The following RBM20 variants were observed in gnomAD, a reference collection of about 807,000 sequenced individuals.
RBM20 encodes RNA-binding protein 20.
Under a neutral mutation model 110.1 loss-of-function variants are expected in RBM20, and 51 were observed. The observed-to-expected ratio is 0.46, with a 90% CI of 0.37 to 0.59. The LOEUF is 0.59. Ranked by LOEUF, RBM20 falls within the 20% of genes least tolerant of loss-of-function variation. The pLI is 0.00. For missense variants in RBM20, 1,512 were observed against 1,574.9 expected, an observed-to-expected ratio of 0.96 and a Z score of 0.68; for synonymous variants, 589 against 618.2, an observed-to-expected ratio of 0.95 and a Z score of 0.70.
Position 110,728,130 on chromosome 10 carries a change from A to T in RBM20, c.192-52671A>T, listed in dbSNP as rs561372301. Among the ~76,000 whole-genome samples the T allele has an allele frequency of 2.6e-5, 4 of 152,294 alleles. No individual in the cohort carries two copies. The East Asian group carries it at 7.7e-4, about 29-fold the overall frequency. ...TAAACATACGTGTGCATGTGTCTTT[A>T]TAGTAAAATGATTTATAATCCTTTA... is the stretch of plus-strand genomic sequence containing the variant. On this transcript the variant is annotated intron_variant, in intron 1 of 13. Transcript: ENST00000369519.
chr10:110,808,169 C>T (rs1369515368), intron 7 of RBM20, among the ~76,000 whole-genome samples: 2 of 152,270 alleles, frequency 1.3e-5, no homozygotes, highest in Non-Finnish European at 2.9e-5. Context: ...ACATCAAGTG[C>T]AGTCAGCTCC....
At chr10:110,802,364 T>C (rs1267961924) in intron 7 of RBM20, among the ~76,000 whole-genome samples, 1 of 149,894 alleles carries the variant, frequency 6.7e-6, no homozygotes, top group African/African-American at 2.5e-5. Flanking sequence ...CTAACAGTTC[T>C]CCTTCAGGCA....
At chr10:110,753,437 C>T (rs1473635459) in intron 1 of RBM20, among the ~76,000 whole-genome samples, 5 of 152,142 alleles carry the variant, frequency 3.3e-5, no homozygotes, top group Admixed American at 1.3e-4. Context: ...TGGATTTACT[C>T]ATCATGCATC....
chr10:110,729,375 T>C (rs944134455), intron 1 of RBM20, among the ~76,000 whole-genome samples: 2 of 152,242 alleles, frequency 1.3e-5, no homozygotes, highest in African/African-American at 4.8e-5. Flanking sequence ...CCTCTCCTTC[T>C]CACCTAGTAA....
intron 1 of RBM20, among the ~76,000 whole-genome samples, chr10:110,736,399 A>G (rs779064182): frequency 6.6e-5 from 10 of 152,238 alleles, no homozygotes; most frequent in Non-Finnish European, 1.3e-4. Flanking sequence ...ACTGCTGTAT[A>G]GAACTAGGTA....
At chr10:110,766,743 C>T (rs1219503225) in intron 1 of RBM20, among the ~76,000 whole-genome samples, 1 of 151,512 alleles carries the variant, frequency 6.6e-6, no homozygotes, top group Non-Finnish European at 1.5e-5. Flanking sequence ...ACAGACACGG[C>T]AACCATCCGA....
In RBM20 at chr10:110,644,665, C is replaced by A. The variant is rs1331518496; in HGVS notation, c.191+20C>A. 7 of 1,466,134 alleles carry A rather than the reference C, an allele frequency of 4.8e-6. No individual in the cohort carries two copies. The South Asian group carries it at 9.4e-5, about 20-fold the overall frequency. 90.8% of individuals were successfully genotyped at this position (1,466,134 alleles called of 1,614,324 possible). A position where few individuals can be genotyped will look rare whatever the true frequency, so the allele number is the denominator to read the frequency against. On this transcript the variant is annotated intron_variant, in intron 1 of 13. Transcript: ENST00000369519. This position sits in a 1 kb window ranked among gnomAD's most constrained non-coding sequence, Gnocchi z 4.3. ...CCAAAAGTAAGAAGGGAGAAGGGAA[C>A]AGGGACCACGGGTGCGCCTGGGGAC...
At chr10:110,803,678 G>C (rs1459060071) in intron 7 of RBM20, among the ~76,000 whole-genome samples, 1 of 152,032 alleles carries the variant, frequency 6.6e-6, no homozygotes, top group Non-Finnish European at 1.5e-5. Flanking sequence ...TGGAATAACA[G>C]ATGTGAAAAC....
At chr10:110,707,323 G>A (rs571028814) in intron 1 of RBM20, among the ~76,000 whole-genome samples, 8 of 152,298 alleles carry the variant, frequency 5.3e-5, no homozygotes, top group African/African-American at 1.9e-4. Context: ...TGATATTCCA[G>A]AGTGTATATT....
intron 1 of RBM20, among the ~76,000 whole-genome samples, chr10:110,776,670 A>G (rs529459543): frequency 1.4e-4 from 21 of 152,372 alleles, no homozygotes; most frequent in Admixed American, 2.0e-4. Flanking sequence ...GGCATACCAA[A>G]TTAAATTCAG....
At chr10:110,661,049 C>T (rs1862094930) in intron 1 of RBM20, among the ~76,000 whole-genome samples, 1 of 152,172 alleles carries the variant, frequency 6.6e-6, no homozygotes, top group Admixed American at 6.5e-5. Context: ...ATTTACCCCC[C>T]AGGGCCTAGG....
chr10:110,812,150 G>T (rs1229115919), intron 8 of RBM20, 128 bp from the exon 9 acceptor site: 2 of 849,148 alleles, frequency 2.4e-6, no homozygotes, highest in Non-Finnish European at 3.6e-6. Flanking sequence ...GTTCTGTAGA[G>T]TTGGGAGTTA....
intron 13 of RBM20, among the ~76,000 whole-genome samples, chr10:110,833,751 C>T (rs995325370): frequency 2.6e-5 from 4 of 152,226 alleles, no homozygotes; most frequent in African/African-American, 9.6e-5. Flanking sequence ...TTGTAGTTCT[C>T]AAGTGCATTG....
intron 13 of RBM20, among the ~76,000 whole-genome samples, chr10:110,834,370 G>C (rs777274245): frequency 2.8e-4 from 43 of 152,178 alleles, no homozygotes; most frequent in Admixed American, 7.2e-4. Context: ...CTTCTATGGA[G>C]ACAGCAGGCA....
chr10:110,831,642 T>C, intron 13 of RBM20: 1 of 136,812 alleles, frequency 7.3e-6, no homozygotes, highest in Non-Finnish European at 1.5e-5. Context: ...TGTTCCCCTA[T>C]GCAGGTATCC....
chr10:110,811,337 G>A (rs1251934635), intron 8 of RBM20, among the ~76,000 whole-genome samples: 3 of 152,280 alleles, frequency 2.0e-5, no homozygotes, highest in Middle Eastern at 3.4e-3. Context: ...TTAGAATATC[G>A]GATATATGAC....
At chr10:110,708,426 A>T (rs1437074501) in intron 1 of RBM20, among the ~76,000 whole-genome samples, 1 of 152,170 alleles carries the variant, frequency 6.6e-6, no homozygotes, top group Non-Finnish European at 1.5e-5. Flanking sequence ...AATTTTTTTC[A>T]ACTATTTTCA....
chr10:110,813,343 G>T (rs763864100), intron 9 of RBM20, among the ~76,000 whole-genome samples: 2 of 152,210 alleles, frequency 1.3e-5, no homozygotes, highest in Non-Finnish European at 2.9e-5. Flanking sequence ...CGTCCAGTAG[G>T]GAGTGGCCTG....
At chr10:110,684,001 A>G (rs1427305812) in intron 1 of RBM20, among the ~76,000 whole-genome samples, 1 of 152,230 alleles carries the variant, frequency 6.6e-6, no homozygotes, top group Non-Finnish European at 1.5e-5. Context: ...TTAATTAACT[A>G]TATTTTGGGG....
Sources: allele counts gnomAD v4.1 joint callset (sites outside exome capture counted in the v4.1 genomes callset), GRCh38; gene constraint gnomAD v4.1.1; non-coding constraint Gnocchi (gnomAD v3.1); transcripts MANE v1.5; gene names NCBI Gene and HGNC (gene_info 2026-07-23, HGNC 2026-07-21).